Variants in SEC16A observed in about 807,000 individuals in gnomAD.
The protein encoded by SEC16A is SEC16 homolog A, endoplasmic reticulum export factor.
A neutral mutation model predicts 221.9 loss-of-function variants in SEC16A; 110 were observed. That is an observed-to-expected ratio of 0.50 (90% CI 0.42 to 0.58). The LOEUF (loss-of-function observed/expected upper bound fraction) is 0.58, where lower values mean the gene tolerates loss of function less well. Ranked by LOEUF, SEC16A falls within the 20% of genes least tolerant of loss-of-function variation. The pLI is 0.00. For synonymous variants in SEC16A, 1,393 were observed against 1,257.7 expected (o/e 1.11, Z -2.28); for missense variants, 3,165 against 3,097.8 (o/e 1.02, Z -0.52).
intron 9 of SEC16A, 29 bp downstream of exon 9, chr9:136,464,391 T>C (rs773747687): frequency 6.3e-7 from 1 of 1,576,906 alleles, no homozygotes; most frequent in Non-Finnish European, 8.7e-7. Context: ...AGCAGAGCAG[T>C]GACGCCACGC....
chr9:136,484,182 TC>T, upstream of SEC16A: 1 of 231,890 alleles, frequency 4.3e-6, no homozygotes, highest in Non-Finnish European at 7.4e-6. Flanking sequence ...CTCGGTTCGT[TC>T]CCCCGGCCGC....
chr9:136,482,664 C>A (rs1010986548), intron 1 of SEC16A, among the ~76,000 whole-genome samples: 2 of 152,212 alleles, frequency 1.3e-5, no homozygotes, highest in African/African-American at 4.8e-5. Flanking sequence ...CCTCCCGCCC[C>A]GGGAACCGGC....
At chr9:136,479,843 C>T (rs1487599885) in intron 1 of SEC16A, among the ~76,000 whole-genome samples, 1 of 151,248 alleles carries the variant, frequency 6.6e-6, no homozygotes, top group African/African-American at 2.4e-5. Flanking sequence ...TACCCCATCA[C>T]CAAAAAAAAA....
In SEC16A at chr9:136,461,246, C is replaced by A; in HGVS notation, c.4922G>T (p.Gly1641Val). The change falls in exon 13 of 32, where the codon GGC becomes GTC. Residue 1641 changes from glycine (G) to valine (V), a missense_variant. Gly to Val is a moderately radical substitution (Grantham distance 109). Transcript: ENST00000684901. ...KDALESAMKN[G>V]LWGHALLLAS... is the part of the protein sequence containing the mutation. Reference sequence around the variant, plus strand: ...AAGTAGCAGAGCGTGACCCCACAGGCCATTCTTCATTGCAGACTCCAAAGC... The same window carrying A: ...AAGTAGCAGAGCGTGACCCCACAGGACATTCTTCATTGCAGACTCCAAAGC... 6.2e-7 allele frequency: 1 copy of A among 1,608,452 alleles called. No homozygotes were observed. Among genetic ancestry groups the A allele is most frequent in the Non-Finnish European group, 8.5e-7 (1 of 1,177,510 alleles).
At chr9:136,470,770 C>T (rs1299377266) in intron 4 of SEC16A, among the ~76,000 whole-genome samples, 6 of 152,344 alleles carry the variant, frequency 3.9e-5, no homozygotes, top group South Asian at 4.1e-4. Flanking sequence ...CTAATAAGCA[C>T]GAGGAACCTT....
intron 1 of SEC16A, among the ~76,000 whole-genome samples, chr9:136,482,056 C>G (rs1842442024): frequency 6.6e-6 from 1 of 152,302 alleles, no homozygotes; most frequent in African/African-American, 2.4e-5. Flanking sequence ...TTGAGACTCA[C>G]TGTAGTAACC....
In SEC16A at chr9:136,476,020, C is replaced by A; in HGVS notation, c.1596G>T (p.Arg532Ser). The stretch of plus-strand genomic sequence containing the variant: ...CCTGGGGCCTGGCTGAGCCTGAGAG[C>A]CTTCCGTGGCTTCTGCTGCTATAGC... Reference protein sequence around the residue: ...SSSYSSRSHGRLSGSARPQEL... With the variant: ...SSSYSSRSHGSLSGSARPQEL... The change falls in exon 3 of 32, where the codon AGG becomes AGT. Residue 532 changes from arginine to serine, a missense_variant. Transcript: ENST00000684901. 1 of 1,613,498 alleles carries A rather than the reference C, an allele frequency of 6.2e-7. No homozygotes were observed. The highest frequency in any genetic ancestry group is 1.6e-4 in the Middle Eastern group (1 of 6,062).
At chr9:136,448,528 G>A (rs1837337362) in intron 23 of SEC16A, 5 of 713,090 alleles carry the variant, frequency 7.0e-6, no homozygotes, top group Admixed American at 2.0e-5. Flanking sequence ...GGATGGAGGT[G>A]GGAGCAGATC....
chr9:136,446,089 G>C (rs114823564), intron 28 of SEC16A, among the ~76,000 whole-genome samples: 1 of 151,408 alleles, frequency 6.6e-6, no homozygotes, highest in Non-Finnish European at 1.5e-5. Flanking sequence ...ACCGTACAGA[G>C]TGCAGTCTGA....
upstream of SEC16A, chr9:136,483,497 TC>T (rs1231956776): frequency 3.6e-5 from 34 of 947,354 alleles, no homozygotes; most frequent in Non-Finnish European, 4.0e-5. Context: ...CCGGCGTCCG[TC>T]TGCCGCCTCA....
rs1838284346 is a variant in SEC16A at position 136,454,237 on chromosome 9, C to A, written c.5948G>T (p.Gly1983Val). The part of the protein sequence containing the change: ...VPLPPGPLEP[G>V]PGCVTPGPAL... Reference sequence around the variant, plus strand: ...AGGCCCTGGGGTCACACAGCCAGGACCCGGCTCCAGGGGCCCCGGGGGCAG... The same window carrying A: ...AGGCCCTGGGGTCACACAGCCAGGAACCGGCTCCAGGGGCCCCGGGGGCAG... The change falls in exon 21 of 32, where the codon GGT (glycine) becomes GTT (valine). Residue 1983 changes from glycine (G) to valine (V), a missense_variant. Gly to Val is a moderately radical substitution (Grantham distance 109). Around this residue, in one of 3 missense-constraint regions of SEC16A, gnomAD observed 1,088 missense variants for 1,089.6 expected, o/e 1.00. Coordinates refer to ENST00000684901, the MANE Select transcript of SEC16A (RefSeq NM_014866.2). 3 of 1,573,504 alleles carry A rather than the reference C, an allele frequency of 1.9e-6. No individual in the cohort carries two copies. Among genetic ancestry groups the A allele is most frequent in the Non-Finnish European group, 2.6e-6 (3 of 1,159,642 alleles).
chr9:136,469,209 T>C (rs1006225659), intron 4 of SEC16A, among the ~76,000 whole-genome samples: 1 of 152,078 alleles, frequency 6.6e-6, no homozygotes, highest in Admixed American at 6.5e-5. Flanking sequence ...CCCAGACCAC[T>C]GGCTGTTGGT....
chr9:136,449,187 C>T (rs888144724), intron 23 of SEC16A, among the ~76,000 whole-genome samples: 1 of 152,198 alleles, frequency 6.6e-6, no homozygotes, highest in African/African-American at 2.4e-5. Flanking sequence ...CTCTGTGTTT[C>T]CCATGTGTGG....
At chr9:136,481,706 T>A (rs951026683) in intron 1 of SEC16A, among the ~76,000 whole-genome samples, 4 of 152,136 alleles carry the variant, frequency 2.6e-5, no homozygotes, top group Non-Finnish European at 2.9e-5. Context: ...GCCCCTGAGT[T>A]TACCTACTGC....
intron 9 of SEC16A, 33 bp downstream of exon 9, chr9:136,464,387 G>A: frequency 4.4e-6 from 7 of 1,574,550 alleles, no homozygotes; most frequent in Non-Finnish European, 6.1e-6. Context: ...GGGCAGCAGA[G>A]CAGTGACGCC....
rs763925841 is a variant in SEC16A at position 136,447,049 on chromosome 9, C to G, written c.6698-100G>C. ...GGAAGAGAGTTTCACACTGCACACG[C>G]GGCACACTCATGCAGAAACAGGCAA... On this transcript the variant is annotated intron_variant, in intron 27 of 31. Transcript: ENST00000684901. The surrounding 1 kb of genome is among the most constrained non-coding windows in gnomAD (Gnocchi z 5.5). 1.3e-6 allele frequency: 2 copies of G among 1,581,298 alleles called. No individual in the cohort carries two copies. The highest frequency in any genetic ancestry group is 2.7e-5 in the African/African-American group (2 of 72,950).
At position 136,474,816 on chromosome 9, in the gene SEC16A, G is replaced by C. The variant is rs369182790; in HGVS notation, c.2800C>G (p.Pro934Ala). Residue 934 changes from proline (P) to alanine (A), a missense_variant, in exon 3 of 32, where the codon CCA (proline) becomes GCA (alanine). Around this residue, in one of 3 missense-constraint regions of SEC16A, gnomAD observed 2,030 missense variants for 1,923.1 expected, o/e 1.06. Transcript: ENST00000684901. Reference sequence around the variant, plus strand: ...TGACTTTCTGGAACCAAGTTCTCTGGAACTGGCTGGGATGGTGGTTGAACC... The same window carrying C: ...TGACTTTCTGGAACCAAGTTCTCTGCAACTGGCTGGGATGGTGGTTGAACC... ...LLVQPPSQPV[P>A]ENLVPESQKD... 5.0e-6 allele frequency: 8 copies of C among 1,613,954 alleles called. No individual in the cohort carries two copies. The highest frequency in any genetic ancestry group is 1.7e-5 in the Admixed American group (1 of 60,020).
rs1841465965 is a variant in SEC16A at position 136,475,268 on chromosome 9, C to A, written c.2348G>T (p.Gly783Val). The change falls in exon 3 of 32, where the codon GGT (glycine) becomes GTT (valine). Residue 783 changes from glycine to valine, a missense_variant. Around this residue, in one of 3 missense-constraint regions of SEC16A, gnomAD observed 2,030 missense variants for 1,923.1 expected, o/e 1.06. Coordinates refer to ENST00000684901, the MANE Select transcript of SEC16A (RefSeq NM_014866.2). The surrounding 1 kb of genome is among the most constrained non-coding windows in gnomAD (Gnocchi z 5.0). ...AAGGTTCTCAGAAGCACCAATGCCA[C>A]CTCGGCTCTGCACCGGGGCCGCCGA... ...PSSAAPVQSRGGIGASENLEN... is the reference protein window; with the variant it reads ...PSSAAPVQSRVGIGASENLEN... 1 of 1,613,438 alleles carries A rather than the reference C, an allele frequency of 6.2e-7. No individual in the cohort carries two copies. Among genetic ancestry groups the A allele is most frequent in the South Asian group, 1.1e-5 (1 of 91,082 alleles).
intron 3 of SEC16A, among the ~76,000 whole-genome samples, chr9:136,472,454 C>T (rs544410189): frequency 1.3e-5 from 2 of 152,322 alleles, no homozygotes; most frequent in East Asian, 1.9e-4. Flanking sequence ...GGGGCTGTGG[C>T]GACTTCTGGA....
Sources: allele counts gnomAD v4.1 joint callset (sites outside exome capture counted in the v4.1 genomes callset), GRCh38; gene constraint gnomAD v4.1.1; regional missense constraint gnomAD v4.1.1; non-coding constraint Gnocchi (gnomAD v3.1); transcripts MANE v1.5; gene names NCBI Gene and HGNC (gene_info 2026-07-23, HGNC 2026-07-21).